Variants in DLG2 observed in about 807,000 individuals in gnomAD.
DLG2 encodes disks large homolog 2.
A neutral mutation model predicts 132.5 loss-of-function variants in DLG2; 45 were observed. The observed-to-expected ratio is 0.34, with a 90% CI of 0.27 to 0.44. The LOEUF (loss-of-function observed/expected upper bound fraction) is 0.44, where lower values mean the gene tolerates loss of function less well. Among genes scored for constraint, DLG2 ranks in the 20% least tolerant of loss-of-function variants. The probability of loss-of-function intolerance (pLI) is 1.00; values close to 1 mark genes in which losing one functional copy is unlikely to be tolerated. For missense variants in DLG2, 1,045 were observed against 1,196.9 expected (o/e 0.87, Z 1.87); for synonymous variants, 424 against 419.6 (o/e 1.01, Z -0.13).
intron 4 of DLG2, among the ~76,000 whole-genome samples, chr11:85,280,210 CT>C (rs2078142618): frequency 6.6e-6 from 1 of 152,026 alleles, no homozygotes; most frequent in Non-Finnish European, 1.5e-5. Flanking sequence ...CGTAACAGGA[CT>C]TTCCACAAGA....
chr11:84,579,591 A>G (rs945202936), intron 6 of DLG2, among the ~76,000 whole-genome samples: 1 of 152,198 alleles, frequency 6.6e-6, no homozygotes, highest in African/African-American at 2.4e-5. Context: ...ATATGTTGCT[A>G]TAATATGGTA....
At chr11:84,073,401 C>T (rs79127642) in intron 10 of DLG2, among the ~76,000 whole-genome samples, 1 of 151,248 alleles carries the variant, frequency 6.6e-6, no homozygotes, top group East Asian at 1.9e-4. Flanking sequence ...AATTGATCAC[C>T]AATAATAAGA....
At chr11:84,733,360 G>A (rs915625785) in intron 6 of DLG2, among the ~76,000 whole-genome samples, 4 of 152,116 alleles carry the variant, frequency 2.6e-5, no homozygotes, top group Non-Finnish European at 5.9e-5. Context: ...GTATCTCATT[G>A]TGGTTTTGAT....
intron 18 of DLG2, among the ~76,000 whole-genome samples, chr11:83,690,148 T>C (rs900580449): frequency 6.7e-6 from 1 of 150,260 alleles, no homozygotes; most frequent in African/African-American, 2.4e-5. Flanking sequence ...ATTTAAAGGC[T>C]GTGATGAAAA....
intron 5 of DLG2, among the ~76,000 whole-genome samples, chr11:85,118,755 T>C (rs2073963847): frequency 6.6e-6 from 1 of 152,016 alleles, no homozygotes; most frequent in African/African-American, 2.4e-5. Context: ...CGGGTTACAA[T>C]GCCAGAGTTT....
intron 18 of DLG2, among the ~76,000 whole-genome samples, chr11:83,676,909 T>G (rs1175623699): frequency 6.6e-6 from 1 of 152,164 alleles, no homozygotes; most frequent in Admixed American, 6.6e-5. Flanking sequence ...AGCAGAGCAC[T>G]TGGCACGTGG....
chr11:85,088,859 C>CA lies in DLG2; in HGVS notation c.357+22801dup, dbSNP rs573086326. Among the ~76,000 whole-genome samples, 20 of 152,198 alleles carry CA rather than the reference C, an allele frequency of 1.3e-4. No homozygotes were observed. In the East Asian group the frequency reaches 3.9e-3, roughly 29 times the overall value. On this transcript the variant is annotated intron_variant, in intron 6 of 27. Transcript: ENST00000376104. ...TCTAAACACTACCTCTAATAATAAA[C>CA]AAAACAAAAAGCAAGCTTTATGTCC...
intron 18 of DLG2, among the ~76,000 whole-genome samples, chr11:83,658,554 A>G (rs1037431767): frequency 2.0e-5 from 3 of 152,218 alleles, no homozygotes; most frequent in East Asian, 3.8e-4. Context: ...TTATAAGCGA[A>G]ATGATTTGCA....
intron 6 of DLG2, among the ~76,000 whole-genome samples, chr11:84,713,049 C>T (rs895276609): frequency 6.6e-6 from 1 of 152,088 alleles, no homozygotes. Context: ...AAAAGAAATT[C>T]TTGTACAATA....
chr11:84,675,293 G>C (rs552594996), intron 6 of DLG2, among the ~76,000 whole-genome samples: 1 of 152,090 alleles, frequency 6.6e-6, no homozygotes, highest in South Asian at 2.1e-4. Flanking sequence ...AAATAAATTA[G>C]GAAAGAGAAA....
chr11:84,841,995 C>T (rs889218102), intron 6 of DLG2, among the ~76,000 whole-genome samples: 1 of 151,844 alleles, frequency 6.6e-6, no homozygotes. Flanking sequence ...ATTGAGATTC[C>T]TAGATCTATG....
chr11:85,140,738 C>G (rs559404093), intron 5 of DLG2, among the ~76,000 whole-genome samples: 128 of 151,904 alleles, frequency 8.4e-4, no homozygotes, highest in Admixed American at 1.5e-3. Context: ...ATCACCACTA[C>G]TCTTCCCAGC....
At chr11:84,105,668 T>C (rs1295320580) in intron 9 of DLG2, among the ~76,000 whole-genome samples, 1 of 152,138 alleles carries the variant, frequency 6.6e-6, no homozygotes, top group Non-Finnish European at 1.5e-5. Flanking sequence ...AAGATTAGGT[T>C]ATAGTATTGA....
chr11:84,858,000 C>T (rs1040526347), intron 6 of DLG2, among the ~76,000 whole-genome samples: 1 of 151,876 alleles, frequency 6.6e-6, no homozygotes, highest in African/African-American at 2.4e-5. Context: ...TCAAGCTATC[C>T]ACCTTTTTTA....
chr11:84,152,771 T>C (rs892445258), intron 9 of DLG2, among the ~76,000 whole-genome samples: 2 of 152,228 alleles, frequency 1.3e-5, no homozygotes, highest in African/African-American at 2.4e-5. Flanking sequence ...AAGACAGGTC[T>C]CTTGAAGACA....
At chr11:85,166,172 T>C (rs1275036591) in intron 4 of DLG2, among the ~76,000 whole-genome samples, 1 of 152,114 alleles carries the variant, frequency 6.6e-6, no homozygotes, top group African/African-American at 2.4e-5. Flanking sequence ...CTCTCCTATT[T>C]GCCACCCAAT....
intron 7 of DLG2, among the ~76,000 whole-genome samples, chr11:84,309,640 A>G (rs1374531678): frequency 6.6e-6 from 1 of 152,246 alleles, no homozygotes; most frequent in Non-Finnish European, 1.5e-5. Flanking sequence ...GTAGAGAATG[A>G]ATGAGAATAA....
chr11:84,287,939 C>T (rs565573177), intron 7 of DLG2, among the ~76,000 whole-genome samples: 1 of 149,426 alleles, frequency 6.7e-6, no homozygotes, highest in African/African-American at 2.5e-5. Flanking sequence ...AATGAAAAAG[C>T]AAAGAAATGG....
intron 6 of DLG2, among the ~76,000 whole-genome samples, chr11:84,652,255 GTTTC>G (rs925478322): frequency 6.6e-6 from 1 of 152,128 alleles, no homozygotes; most frequent in African/African-American, 2.4e-5. Context: ...GTGTGTGTGT[GTTTC>G]TTTTTCTCGA....
Sources: allele counts gnomAD v4.1 joint callset (sites outside exome capture counted in the v4.1 genomes callset), GRCh38; gene constraint gnomAD v4.1.1; transcripts MANE v1.5; gene names NCBI Gene and HGNC (gene_info 2026-07-23, HGNC 2026-07-21).